The following CCNH variants were observed in gnomAD, a reference collection of about 807,000 sequenced individuals.
CCNH encodes the protein cyclin-H.
Under a neutral mutation model 41.9 loss-of-function variants are expected in CCNH, and 31 were observed. The ratio of observed to expected loss-of-function variants is 0.74; its 90% CI spans 0.56 to 1.00. The LOEUF is 1.00. Among genes scored for constraint, CCNH ranks in the 50% least tolerant of loss-of-function variants. The probability of loss-of-function intolerance (pLI) is 0.00; values close to 1 mark genes in which losing one functional copy is unlikely to be tolerated. For synonymous variants in CCNH, 138 were observed against 136.1 expected, an observed-to-expected ratio of 1.01 and a Z score of -0.10; for missense variants, 362 against 388.4, an observed-to-expected ratio of 0.93 and a Z score of 0.57.
chr5:87,385,799 C>T (rs1380777439), intron 9 of CCNH, among the ~76,000 whole-genome samples: 1 of 151,990 alleles, frequency 6.6e-6, no homozygotes, highest in Non-Finnish European at 1.5e-5. Flanking sequence ...CAGTTGGGAT[C>T]ATATCATGCC....
chr5:87,370,475 A>G (rs1580371993), intron 9 of CCNH, among the ~76,000 whole-genome samples: 2 of 152,208 alleles, frequency 1.3e-5, no homozygotes, highest in African/African-American at 2.4e-5. Flanking sequence ...ATATTTTGCA[A>G]CAAAGGGAGA....
At chr5:87,383,691 A>AG in intron 9 of CCNH, 1 of 1,595,266 alleles carries the variant, frequency 6.3e-7, no homozygotes, top group East Asian at 2.2e-5. Context: ...AAAAAAAAAA[A>AG]AAAAATTTCC....
chr5:87,391,414 A>C (rs1050788460), downstream of CCNH: 1 of 249,286 alleles, frequency 4.0e-6, no homozygotes, highest in Admixed American at 4.8e-5. Context: ...TAATAGGAAC[A>C]ATCTTTGCTG....
downstream of CCNH, chr5:87,390,789 CCT>C (rs767935972): frequency 6.9e-6 from 11 of 1,602,958 alleles, no homozygotes; most frequent in East Asian, 2.2e-5. Flanking sequence ...TACCATTTTT[CCT>C]CTGTCTAGCA....
intron 9 of CCNH, among the ~76,000 whole-genome samples, chr5:87,319,718 C>T (rs112386295): frequency 6.6e-6 from 1 of 152,206 alleles, no homozygotes; most frequent in African/African-American, 2.4e-5. Context: ...CCATGAAGAT[C>T]TCTGACATGC....
chr5:87,358,118 A>G (rs1759792605), intron 9 of CCNH, among the ~76,000 whole-genome samples: 1 of 152,122 alleles, frequency 6.6e-6, no homozygotes, highest in South Asian at 2.1e-4. Flanking sequence ...TCATCTTCCA[A>G]TGAGGTGACC....
rs1170266583 is a variant in CCNH, at chr5:87,412,890, G to A, written c.-96C>T. 2.6e-6 allele frequency: 4 copies of A among 1,542,242 alleles called. No homozygotes were observed. The highest frequency in any genetic ancestry group is 3.5e-6 in the Non-Finnish European group (4 of 1,141,612). On this transcript the variant is annotated 5_prime_UTR_variant, in exon 1 of 9. Coordinates refer to ENST00000256897, the MANE Select transcript of CCNH (RefSeq NM_001239.4). ...CACCCGTACCCCCACCGAAGATCTCGCGGAAGCCTAGGGCGTCCGGCTAGC... is the reference window on the plus strand; with the variant it reads ...CACCCGTACCCCCACCGAAGATCTCACGGAAGCCTAGGGCGTCCGGCTAGC...
intron 9 of CCNH, among the ~76,000 whole-genome samples, chr5:87,319,835 C>T (rs1756648782): frequency 6.6e-6 from 1 of 152,148 alleles, no homozygotes; most frequent in South Asian, 2.1e-4. Flanking sequence ...ATGGGTTTGT[C>T]TTTTCTATAG....
chr5:87,348,863 C>T (rs1342818506), intron 9 of CCNH, among the ~76,000 whole-genome samples: 1 of 151,936 alleles, frequency 6.6e-6, no homozygotes, highest in Non-Finnish European at 1.5e-5. Context: ...CGAAGATTTA[C>T]ATACAGAATT....
chr5:87,360,164 T>TAAA (rs1298090682), intron 9 of CCNH, among the ~76,000 whole-genome samples: 12 of 151,840 alleles, frequency 7.9e-5, no homozygotes, highest in Non-Finnish European at 1.5e-4. Context: ...CGCTCTTTTT[T>TAAA]GCTCAGGCTT....
chr5:87,313,259 A>G, the CCNH span, among the ~76,000 whole-genome samples: 1,728 of 152,268 alleles, frequency 0.011, 16 homozygotes, highest in Non-Finnish European at 0.016. Context: ...AGCTAATCTA[A>G]TATCTTTGAG....
chr5:87,362,890 TTTTCTTTC>T (rs547648090), intron 9 of CCNH, among the ~76,000 whole-genome samples: 8 of 151,654 alleles, frequency 5.3e-5, no homozygotes, highest in African/African-American at 1.4e-4. Context: ...TGGTTTCTTT[TTTTCTTTC>T]TTTCTTTCTT....
intron 9 of CCNH, among the ~76,000 whole-genome samples, chr5:87,351,230 C>A (rs1386065229): frequency 6.6e-6 from 1 of 150,680 alleles, no homozygotes; most frequent in East Asian, 1.9e-4. Context: ...ATTCAGCAGC[C>A]ATTTATCGAC....
chr5:87,412,789 G>T lies in CCNH; in HGVS notation c.6C>A (p.Tyr2Ter). 1 of 1,614,084 alleles carries T rather than the reference G, an allele frequency of 6.2e-7. No individual in the cohort carries two copies. The highest frequency in any genetic ancestry group is 8.5e-7 in the Non-Finnish European group (1 of 1,179,934). The change falls in exon 1 of 9, where the codon TAC becomes TAA. Residue 2 changes from tyrosine (Y) to a stop codon, truncating the protein, a stop_gained. Coordinates refer to ENST00000256897, the MANE Select transcript of CCNH (RefSeq NM_001239.4). LOFTEE classifies it high-confidence loss of function. ...AGTGCCGCTTCTGACTACTGTTGTG[G>T]TACATTATGGAATCGTGACCAGGTC... The part of the protein sequence containing the change: M[Y>*]HNSSQKRHWT...
At chr5:87,378,697 C>T (rs985481843), upstream of CCNH, among the ~76,000 whole-genome samples, 1 of 152,108 alleles carries the variant, frequency 6.6e-6, no homozygotes, top group Non-Finnish European at 1.5e-5. Context: ...AAATGTTCTG[C>T]AAAATGGACT....
downstream of CCNH, among the ~76,000 whole-genome samples, chr5:87,375,537 A>T (rs1326245052): frequency 2.6e-5 from 4 of 152,232 alleles, no homozygotes; most frequent in Non-Finnish European, 5.9e-5. Context: ...CTGGGATTAC[A>T]TTACCATATA....
intron 9 of CCNH, among the ~76,000 whole-genome samples, chr5:87,352,803 A>G (rs1160880054): frequency 6.6e-6 from 1 of 151,664 alleles, no homozygotes. Flanking sequence ...TGAATTCTTC[A>G]TTCTTAGTAT....
At chr5:87,343,639 G>C (rs1327516637) in intron 9 of CCNH, among the ~76,000 whole-genome samples, 3 of 152,128 alleles carry the variant, frequency 2.0e-5, no homozygotes, top group Admixed American at 6.6e-5. Flanking sequence ...AATGAGTGCA[G>C]TTACTATAGA....
chr5:87,411,218 A>G lies in CCNH; in HGVS notation c.240+6T>C. 6.2e-7 allele frequency: 1 copy of G among 1,608,166 alleles called. No homozygotes were observed. Among genetic ancestry groups the G allele is most frequent in the East Asian group, 2.2e-5 (1 of 44,640 alleles). Reference sequence around the variant, plus strand: ...GACATTATATTTCATCACCACTGTAACTTACCACAACAGATCTTGGCATTG... The same window carrying G: ...GACATTATATTTCATCACCACTGTAGCTTACCACAACAGATCTTGGCATTG... On this transcript the variant is annotated splice_donor_region_variant and intron_variant, in intron 2 of 8. Coordinates refer to ENST00000256897, the MANE Select transcript of CCNH (RefSeq NM_001239.4).
Sources: allele counts gnomAD v4.1 joint callset (sites outside exome capture counted in the v4.1 genomes callset), GRCh38; gene constraint gnomAD v4.1.1; transcripts MANE v1.5; gene names NCBI Gene and HGNC (gene_info 2026-07-23, HGNC 2026-07-21).